The following POLR1A variants were observed in gnomAD, a reference collection of about 807,000 sequenced individuals.
POLR1A encodes the protein DNA-directed RNA polymerase I subunit RPA1.
In POLR1A, 84 loss-of-function variants were observed where a neutral mutation model predicts 205.3. The observed-to-expected ratio is 0.41, with a 90% CI of 0.34 to 0.49. The LOEUF is 0.49. Among genes scored for constraint, POLR1A ranks in the 20% least tolerant of loss-of-function variants. The pLI, the probability that POLR1A is intolerant of heterozygous loss-of-function variation, is 0.22. For missense variants in POLR1A, 1,645 were observed against 2,204.5 expected, an observed-to-expected ratio of 0.75 and a Z score of 5.08; for synonymous variants, 799 against 863.7, an observed-to-expected ratio of 0.93 and a Z score of 1.31.
At chr2:86,060,585 G>A (rs1045492639) in intron 14 of POLR1A, among the ~76,000 whole-genome samples, 1 of 152,106 alleles carries the variant, frequency 6.6e-6, no homozygotes, top group Non-Finnish European at 1.5e-5. Flanking sequence ...GTAGAGCAGT[G>A]GACTTTTCAA....
At position 86,098,656 on chromosome 2, in the gene POLR1A, G is replaced by A. The variant is rs773744043; in HGVS notation, c.387C>T (p.Val129=). ...GCTCGTAGACTGCTTGTAGGGCCCC[G>A]ACTTCCAGAACCCTCAGCTGGCAGA... is the stretch of plus-strand genomic sequence containing the variant. ...LLLCQLRVLE[V]GALQAVYELE... The change falls in exon 3 of 34, where the codon GTC becomes GTT. Residue 129 remains valine (V), a synonymous_variant. Coordinates refer to ENST00000263857, the MANE Select transcript of POLR1A (RefSeq NM_015425.6). 29 of 1,613,518 alleles carry A rather than the reference G, an allele frequency of 1.8e-5. No individual in the cohort carries two copies. Among genetic ancestry groups the A allele is most frequent in the Middle Eastern group, 1.6e-4 (1 of 6,084 alleles).
At chr2:86,104,385 A>C (rs1031207367) in intron 1 of POLR1A, among the ~76,000 whole-genome samples, 189 of 151,856 alleles carry the variant, frequency 1.2e-3, no homozygotes, top group Non-Finnish European at 2.3e-3. Flanking sequence ...ACTATTTTGC[A>C]CTACGTACAC....
rs1573794437 is a variant in POLR1A at position 86,021,506 on chromosome 2, C to T, written c.*5917G>A. On this transcript the variant is annotated 3_prime_UTR_variant, in exon 34 of 34. Coordinates refer to ENST00000263857, the MANE Select transcript of POLR1A (RefSeq NM_015425.6). ...AACACCCAAGTACCTCCCCACTGTCCTCTCCACTCTGTCCTTCCTACAAAG... is the reference window on the plus strand; with the variant it reads ...AACACCCAAGTACCTCCCCACTGTCTTCTCCACTCTGTCCTTCCTACAAAG... 1 of 152,440 alleles carries T rather than the reference C, an allele frequency of 6.6e-6. No homozygotes were observed. Among genetic ancestry groups the T allele is most frequent in the African/African-American group, 2.4e-5 (1 of 41,468 alleles). The allele number at this position is 152,440 out of a possible 1,614,324, so 9.4% of individuals were successfully genotyped here.
In POLR1A at chr2:86,023,343, C is replaced by T. The variant is rs766224681; in HGVS notation, c.*4080G>A. On this transcript the variant is annotated 3_prime_UTR_variant, in exon 34 of 34. Transcript: ENST00000263857. ...TATCACTCAACGATGAAAGACTCAA[C>T]GAACCAGCCTTTAACGACCAGTCTT... is the stretch of plus-strand genomic sequence containing the variant. The T allele has an allele frequency of 5.9e-5, 9 of 152,338 alleles. No individual in the cohort carries two copies. The highest frequency in any genetic ancestry group is 1.7e-4 in the African/African-American group (7 of 41,580). 9.4% of individuals were successfully genotyped at this position (152,338 alleles called of 1,614,324 possible).
chr2:86,040,268 G>C (rs749825113), intron 25 of POLR1A, 124 bp downstream of exon 25: 4 of 777,100 alleles, frequency 5.1e-6, no homozygotes, highest in Non-Finnish European at 7.5e-6. Flanking sequence ...ATGAGACCCT[G>C]TCCCTCTCTC....
At chr2:86,105,584 C>G in intron 1 of POLR1A, 116 bp downstream of exon 1, 1 of 670,494 alleles carries the variant, frequency 1.5e-6, no homozygotes, top group Non-Finnish European at 2.6e-6. Flanking sequence ...GCAGGACAAG[C>G]GCCAGACAAG....
chr2:86,089,914 G>C lies in POLR1A; in HGVS notation c.448C>G (p.Pro150Ala), dbSNP rs4832242. 0.86 allele frequency: 1,363,723 copies of C among 1,586,486 alleles called. 590,996 individuals are homozygous for C. Among genetic ancestry groups the C allele is most frequent in the South Asian group, 0.88 (79,644 of 90,434 alleles). Reference sequence around the variant, plus strand: ...CGAATTTCAGAGGCAGAGGGATCGGGATTTTCTTCCAGAAACTGGAAAACA... The same window carrying C: ...CGAATTTCAGAGGCAGAGGGATCGGCATTTTCTTCCAGAAACTGGAAAACA... ...RILNRFLEEN[P>A]DPSASEIREE... The change falls in exon 4 of 34, where the codon CCC becomes GCC. Residue 150 changes from proline to alanine, a missense_variant. Pro to Ala is a conservative substitution (Grantham distance 27). This residue lies in a region of POLR1A where 330 missense variants were observed against 375.6 expected (regional missense o/e 0.88). Coordinates refer to ENST00000263857, the MANE Select transcript of POLR1A (RefSeq NM_015425.6).
chr2:86,061,685 C>T (rs920317915), intron 14 of POLR1A, among the ~76,000 whole-genome samples: 1 of 152,098 alleles, frequency 6.6e-6, no homozygotes, highest in African/African-American at 2.4e-5. Flanking sequence ...CATAATAGAA[C>T]ATTATAAAGC....
intron 3 of POLR1A, among the ~76,000 whole-genome samples, chr2:86,090,386 C>CAAAAAAAAAA (rs56810530): frequency 1.1e-5 from 1 of 94,632 alleles, no homozygotes; most frequent in African/African-American, 3.9e-5. Context: ...GACACCATCT[C>CAAAAAAAAAA]AAAAAAAAAA....
chr2:86,027,507 C>T lies in POLR1A; in HGVS notation c.5079G>A (p.Leu1693=). 1 of 1,614,156 alleles carries T rather than the reference C, an allele frequency of 6.2e-7. No individual in the cohort carries two copies. Among genetic ancestry groups the T allele is most frequent in the Non-Finnish European group, 8.5e-7 (1 of 1,179,982 alleles). The change falls in exon 34 of 34, where the codon CTG becomes CTA. Residue 1693 remains leucine, a synonymous_variant. Coordinates refer to ENST00000263857, the MANE Select transcript of POLR1A (RefSeq NM_015425.6). ...CCACAAGGCAGGCAGAAGGAGACCT[C>T]AGCTCATCGTGGGATCCTGACAGAG... is the stretch of plus-strand genomic sequence containing the variant. The part of the protein sequence containing the change: ...QATMLGSHDE[L]RSPSACLVVG...
chr2:86,054,269 T>C lies in POLR1A; in HGVS notation c.2079A>G (p.Ile693Met). ...TGKQVVSTLL[I>M]NIIPEDHIPL... ...GGATGTGGTCCTCTGGGATTATATT[T>C]ATGAGCAGCGTTGACACAACCTGCA... is the stretch of plus-strand genomic sequence containing the variant. The change falls in exon 15 of 34, where the codon ATA becomes ATG. Residue 693 changes from isoleucine to methionine, a missense_variant. Ile to Met is a conservative substitution (Grantham distance 10). Transcript: ENST00000263857. The C allele has an allele frequency of 1.2e-6, 2 of 1,614,116 alleles. No individual in the cohort carries two copies. Among genetic ancestry groups the C allele is most frequent in the Non-Finnish European group, 1.7e-6 (2 of 1,179,972 alleles).
chr2:86,040,642 A>C, intron 24 of POLR1A, 83 bp from the exon 25 acceptor site: 1 of 1,110,654 alleles, frequency 9.0e-7, no homozygotes, highest in Non-Finnish European at 1.2e-6. Context: ...GCTGCCCGAA[A>C]CCAGAAAACT....
At chr2:86,033,618 G>A (rs1672436566) in intron 28 of POLR1A, 43 bp downstream of exon 28, 2 of 1,601,790 alleles carry the variant, frequency 1.2e-6, no homozygotes, top group Non-Finnish European at 1.7e-6. Context: ...CAGTCTGGGG[G>A]CTGTCCCTGT....
At chr2:86,091,911 C>T (rs1437920325) in intron 3 of POLR1A, among the ~76,000 whole-genome samples, 2 of 152,036 alleles carry the variant, frequency 1.3e-5, no homozygotes, top group African/African-American at 4.8e-5. Flanking sequence ...GTCAGGAGTC[C>T]AAGACCAGCC....
chr2:86,088,598 C>T lies in POLR1A; in HGVS notation c.698G>A (p.Arg233Lys), dbSNP rs1673546158. 1.9e-6 allele frequency: 3 copies of T among 1,613,900 alleles called. No homozygotes were observed. Among genetic ancestry groups the T allele is most frequent in the Non-Finnish European group, 2.5e-6 (3 of 1,179,736 alleles). Residue 233 changes from arginine to lysine, a missense_variant, in exon 6 of 34, where the codon AGG (arginine) becomes AAG (lysine). Coordinates refer to ENST00000263857, the MANE Select transcript of POLR1A (RefSeq NM_015425.6). Reference sequence around the variant, plus strand: ...CTCAGAGTCCTTCTGGCCAGCTGTCCTGTGCACCATGGCTGGAAACGTGAT... The same window carrying T: ...CTCAGAGTCCTTCTGGCCAGCTGTCTTGTGCACCATGGCTGGAAACGTGAT... ...LTITFPAMVH[R>K]TAGQKDSEPL... is the part of the protein sequence containing the mutation.
intron 5 of POLR1A, 49 bp from the exon 6 acceptor site, chr2:86,088,718 T>C: frequency 6.3e-7 from 1 of 1,596,080 alleles, no homozygotes. Flanking sequence ...CCCAGTAAGA[T>C]ATTTAATAAT....
chr2:86,033,858 T>C (rs1672446799), intron 27 of POLR1A, 71 bp from the exon 28 acceptor site: 2 of 1,571,552 alleles, frequency 1.3e-6, no homozygotes, highest in Non-Finnish European at 1.7e-6. Flanking sequence ...ATTTGGGGGA[T>C]AGGACGCTGA....
intron 27 of POLR1A, among the ~76,000 whole-genome samples, chr2:86,034,283 C>T (rs369278640): frequency 6.6e-5 from 10 of 152,176 alleles, no homozygotes; most frequent in East Asian, 5.8e-4. Context: ...TTCCCCTGCC[C>T]ACAACCTGCA....
At chr2:86,076,907 C>T (rs1409480969) in intron 11 of POLR1A, among the ~76,000 whole-genome samples, 1 of 152,184 alleles carries the variant, frequency 6.6e-6, no homozygotes, top group African/African-American at 2.4e-5. Context: ...AAAGCTGGTC[C>T]TCACCACATG....
Sources: gnomAD v4.1 joint callset for allele counts (sites outside exome capture counted in the v4.1 genomes callset) on GRCh38, gnomAD v4.1.1 for gene constraint, gnomAD v4.1.1 regional missense constraint, MANE v1.5 for transcripts, NCBI Gene and HGNC (gene_info 2026-07-23, HGNC 2026-07-21) for gene names.